PSG5: variants seen among roughly 807,000 people sequenced by gnomAD.
PSG5 encodes the protein pregnancy-specific beta-1-glycoprotein 5.
A neutral mutation model predicts 37.7 loss-of-function variants in PSG5; 53 were observed. The observed-to-expected ratio is 1.41, with a 90% CI of 1.13 to 1.77. The LOEUF (loss-of-function observed/expected upper bound fraction) is 1.77, where lower values mean the gene tolerates loss of function less well. Ranked by LOEUF, PSG5 falls within the 40% of genes most tolerant of loss-of-function variation. PSG5 has a pLI of 0.00. For missense variants in PSG5, 547 were observed against 405.2 expected (o/e 1.35, Z -3.00); for synonymous variants, 221 against 155.4 (o/e 1.42, Z -3.14).
In PSG5 at chr19:43,184,791, T is replaced by G. The variant is rs554331726; in HGVS notation, c.421A>C (p.Asn141His). ...ATGTGGAATCACTCACGGTATAAGTTGAAGGTGAAATATCCAGTTACTCCT... is the reference window on the plus strand; with the variant it reads ...ATGTGGAATCACTCACGGTATAAGTGGAAGGTGAAATATCCAGTTACTCCT... ...TRGVTGYFTF[N>H]LYLKLPKPYI... The change falls in exon 2 of 6, where the codon AAC (asparagine) becomes CAC (histidine). Residue 141 changes from asparagine to histidine, a missense_variant. Coordinates refer to ENST00000342951, the MANE Select transcript of PSG5 (RefSeq NM_002781.4). 1.9e-6 allele frequency: 3 copies of G among 1,612,116 alleles called. No homozygotes were observed. The South Asian group carries it at 3.3e-5, about 18-fold the overall frequency.
At chr19:43,184,244 C>T (rs1969194728) in intron 2 of PSG5, among the ~76,000 whole-genome samples, 1 of 151,708 alleles carries the variant, frequency 6.6e-6, no homozygotes, top group African/African-American at 2.4e-5. Flanking sequence ...GAGGGCTGAG[C>T]CCTGGCTGGT....
At chr19:43,174,421 C>A in intron 4 of PSG5, 4 of 838,824 alleles carry the variant, frequency 4.8e-6, no homozygotes, top group Non-Finnish European at 5.7e-6. Context: ...CCTTTCCTGC[C>A]ATGCAGAGCC....
chr19:43,186,104 G>T (rs1966933505), intron 1 of PSG5, among the ~76,000 whole-genome samples: 1 of 151,108 alleles, frequency 6.6e-6, no homozygotes, highest in Non-Finnish European at 1.5e-5. Context: ...AGCCTCCAGA[G>T]TAGCTAGGAT....
chr19:43,177,678 T>A (rs1969040111), intron 2 of PSG5, among the ~76,000 whole-genome samples: 1 of 151,558 alleles, frequency 6.6e-6, no homozygotes, highest in Admixed American at 6.6e-5. Flanking sequence ...CATCTTTTTC[T>A]CAGTGTTTGT....
At position 43,170,319 on chromosome 19, in the gene PSG5, AT is replaced by A. The variant is rs1568546887; in HGVS notation, c.965-182del. On this transcript the variant is annotated intron_variant, in intron 4 of 5. Transcript: ENST00000342951. ...TGCAGTTTTTTTTTTCCCTCTCACC[AT>A]GTTTCTAGGATGGTGATCAGTCCTC... The A allele has an allele frequency of 2.7e-5, 19 of 708,012 alleles. No individual in the cohort carries two copies. In the African/African-American group the frequency reaches 3.0e-4, roughly 11 times the overall value. The allele number at this position is 708,012 out of a possible 1,614,324, so 43.9% of individuals were successfully genotyped here. A position where few individuals can be genotyped will look rare whatever the true frequency, so the allele number is the denominator to read the frequency against.
Position 43,180,772 on chromosome 19 carries a change from C to A in PSG5, c.430+4010G>T, listed in dbSNP as rs1599752834. Among the ~76,000 whole-genome samples the A allele has an allele frequency of 2.7e-5, 4 of 147,468 alleles. No homozygotes were observed. The East Asian group carries it at 8.0e-4, about 30-fold the overall frequency. On this transcript the variant is annotated intron_variant, in intron 2 of 5. Transcript: ENST00000342951. ...ATCACATTATGCTCAAAGAAAGACG[C>A]CAAAGGTGATTTGAAATTAGCAGCT...
chr19:43,179,100 T>A, intron 2 of PSG5: 5 of 1,609,384 alleles, frequency 3.1e-6, no homozygotes, highest in Non-Finnish European at 4.3e-6. Context: ...GATCACAGCC[T>A]CCATGGCCTC....
chr19:43,179,439 C>T (rs550015713), intron 2 of PSG5, among the ~76,000 whole-genome samples: 43 of 151,742 alleles, frequency 2.8e-4, no homozygotes, highest in African/African-American at 1.0e-3. Context: ...AGACCCGATG[C>T]CTCTCTGAGT....
At chr19:43,170,514 C>A in intron 4 of PSG5, 1 of 445,304 alleles carries the variant, frequency 2.2e-6, no homozygotes. Flanking sequence ...TGTCAGGTCT[C>A]CATGGCAGGG....
chr19:43,170,159 A>G (rs773197113), intron 4 of PSG5, 21 bp from the exon 5 acceptor site: 21 of 1,565,902 alleles, frequency 1.3e-5, no homozygotes, highest in Admixed American at 3.4e-5. Context: ...AAGAAAAGTA[A>G]AGAAGGAATG....
intron 4 of PSG5, chr19:43,174,728 A>C (rs1466030847): frequency 1.8e-5 from 19 of 1,048,062 alleles, no homozygotes; most frequent in Middle Eastern, 4.2e-4. Context: ...CCAGAGAAGC[A>C]TGGAGCAGAG....
rs961067931 is a variant in PSG5 at position 43,174,650 on chromosome 19, C to G, written c.964+565G>C. ...CAGCTCGATTTAGCCAAATTCAGGA[C>G]AGGCCACCAGGACTCTTTCTCCACA... On this transcript the variant is annotated intron_variant, in intron 4 of 5. Coordinates refer to ENST00000342951, the MANE Select transcript of PSG5 (RefSeq NM_002781.4). 1.5e-5 allele frequency: 15 copies of G among 979,968 alleles called. No individual in the cohort carries two copies. In the African/African-American group the frequency reaches 2.5e-4, roughly 16 times the overall value. The allele number at this position is 979,968 out of a possible 1,614,324, so 60.7% of individuals were successfully genotyped here. A position where few individuals can be genotyped will look rare whatever the true frequency, so the allele number is the denominator to read the frequency against.
intron 4 of PSG5, among the ~76,000 whole-genome samples, chr19:43,171,961 A>G (rs1183938609): frequency 1.4e-5 from 2 of 144,540 alleles, no homozygotes; most frequent in South Asian, 4.4e-4. Flanking sequence ...TGGTCTACAT[A>G]GTGAGAGCCC....
At chr19:43,171,071 A>G (rs918067409) in intron 4 of PSG5, 2 of 151,506 alleles carry the variant, frequency 1.3e-5, no homozygotes, top group African/African-American at 4.9e-5. Context: ...CCTGTATCTC[A>G]TTTAATCCAC....
intron 4 of PSG5, among the ~76,000 whole-genome samples, chr19:43,172,420 A>G (rs192241674): frequency 2.0e-5 from 3 of 151,734 alleles, no homozygotes; most frequent in Admixed American, 2.0e-4. Flanking sequence ...AAAAAAAGAC[A>G]TTCAAATTGG....
At chr19:43,169,288 A>T (rs1196664232) in intron 5 of PSG5, among the ~76,000 whole-genome samples, 19 of 151,614 alleles carry the variant, frequency 1.3e-4, no homozygotes. Flanking sequence ...TCAGGAAAAG[A>T]TCTCAACCAC....
chr19:43,169,425 C>T (rs1568546305), intron 5 of PSG5, among the ~76,000 whole-genome samples: 1 of 151,544 alleles, frequency 6.6e-6, no homozygotes, highest in Non-Finnish European at 1.5e-5. Flanking sequence ...GAGGGGATTT[C>T]ACTCTGTTTT....
chr19:43,175,540 G>T, intron 3 of PSG5, 71 bp from the exon 4 acceptor site: 1 of 1,536,750 alleles, frequency 6.5e-7, no homozygotes, highest in Non-Finnish European at 8.8e-7. Context: ...CTCTTAAAGG[G>T]ACACAGTGAC....
intron 1 of PSG5, 129 bp downstream of exon 1, chr19:43,186,213 T>C: frequency 6.7e-7 from 1 of 1,491,324 alleles, no homozygotes; most frequent in South Asian, 1.2e-5. Flanking sequence ...CCTGATCTCA[T>C]AATCCACCCA....
Sources: gnomAD v4.1 joint callset for allele counts (sites outside exome capture counted in the v4.1 genomes callset) on GRCh38, gnomAD v4.1.1 for gene constraint, MANE v1.5 for transcripts, NCBI Gene and HGNC (gene_info 2026-07-23, HGNC 2026-07-21) for gene names.